UTP25: variants seen among roughly 807,000 people sequenced by gnomAD.
UTP25 encodes the protein UTP25 small subunit processome component, also known as U3 small nucleolar RNA-associated protein 25 homolog.
UTP25 carries 50 observed loss-of-function variants against 78.9 expected under a neutral mutation model. The ratio of observed to expected loss-of-function variants is 0.63; its 90% CI spans 0.50 to 0.80. The LOEUF is 0.80. UTP25 is among the 30% of genes least tolerant of loss of function. The pLI, the probability that UTP25 is intolerant of heterozygous loss-of-function variation, is 0.00. For missense variants in UTP25, 846 were observed against 911.3 expected, an observed-to-expected ratio of 0.93 and a Z score of 0.92; for synonymous variants, 329 against 336.5, an observed-to-expected ratio of 0.98 and a Z score of 0.24.
chr1:209,836,072 A>G (rs1221218728), intron 5 of UTP25, among the ~76,000 whole-genome samples: 1 of 152,152 alleles, frequency 6.6e-6, no homozygotes. Context: ...ACCCCTGGTA[A>G]CCACTAATCT....
At chr1:209,845,546 AG>A (rs2078192359) in intron 11 of UTP25, among the ~76,000 whole-genome samples, 1 of 152,216 alleles carries the variant, frequency 6.6e-6, no homozygotes, top group Non-Finnish European at 1.5e-5. Flanking sequence ...CTTTGTAAGC[AG>A]GACAGTCTCC....
rs2078172292 is a variant in UTP25, at chr1:209,842,405, C to G, written c.1626C>G (p.Ile542Met). ...LLFGALQDAQ[I>M]NSVFNKYCVN... ...TTGGGGCCCTTCAGGATGCCCAGAT[C>G]AACTCAGTGTTCAACAAGTACTGTG... is the stretch of plus-strand genomic sequence containing the variant. Residue 542 changes from isoleucine to methionine, a missense_variant, in exon 9 of 12, where the codon ATC becomes ATG. Transcript: ENST00000491415. 6.2e-7 allele frequency: 1 copy of G among 1,614,046 alleles called. No individual in the cohort carries two copies. Among genetic ancestry groups the G allele is most frequent in the Non-Finnish European group, 8.5e-7 (1 of 1,180,008 alleles).
At chr1:209,841,978 A>G (rs927274775) in intron 8 of UTP25, among the ~76,000 whole-genome samples, 2 of 152,178 alleles carry the variant, frequency 1.3e-5, no homozygotes, top group Non-Finnish European at 2.9e-5. Context: ...TTAGGGACCC[A>G]TAGAGAGACC....
In UTP25 at chr1:209,852,643, C is replaced by T. The variant is rs1465515204; in HGVS notation, c.*1196C>T. On this transcript the variant is annotated 3_prime_UTR_variant, in exon 12 of 12. Transcript: ENST00000491415. The stretch of plus-strand genomic sequence containing the variant: ...ACTTGGGCACTGCTGTATTTTTTGA[C>T]AATGAGACATTCCAGGTTTCTCTAC... 6.6e-6 allele frequency: 1 copy of T among 152,150 alleles called. No homozygotes were observed. Among genetic ancestry groups the T allele is most frequent in the Non-Finnish European group, 1.5e-5 (1 of 68,026 alleles). The allele number at this position is 152,150 out of a possible 1,614,324, so 9.4% of individuals were successfully genotyped here.
At chr1:209,848,813 T>C (rs1342421593) in intron 11 of UTP25, among the ~76,000 whole-genome samples, 1 of 152,244 alleles carries the variant, frequency 6.6e-6, no homozygotes, top group Non-Finnish European at 1.5e-5. Context: ...TCTATAACTT[T>C]CAATGGAATG....
At chr1:209,835,027 C>A in intron 4 of UTP25, 48 bp from the exon 5 acceptor site, 1 of 1,472,364 alleles carries the variant, frequency 6.8e-7, no homozygotes, top group Non-Finnish European at 9.5e-7. Flanking sequence ...GACCACAAAA[C>A]CCCTCTGTAG....
At chr1:209,843,916 C>G in intron 11 of UTP25, 1 of 588,412 alleles carries the variant, frequency 1.7e-6, no homozygotes, top group Non-Finnish European at 3.0e-6. Context: ...ATGTAGAAAC[C>G]AAAGCATACC....
rs568722420 is a variant in UTP25, at chr1:209,856,985, C to T, written c.*5538C>T. 2.0e-5 allele frequency: 3 copies of T among 152,192 alleles called. No individual in the cohort carries two copies. The highest frequency in any genetic ancestry group is 4.4e-5 in the Non-Finnish European group (3 of 68,042). The allele number at this position is 152,192 out of a possible 1,614,324, so 9.4% of individuals were successfully genotyped here. A position where few individuals can be genotyped will look rare whatever the true frequency, so the allele number is the denominator to read the frequency against. ...GTTTCTCATCTCTTCTAGTGTATGT[C>T]AAAGCTAAATTAGGTCAAATAGGAA... On this transcript the variant is annotated 3_prime_UTR_variant, in exon 12 of 12. Coordinates refer to ENST00000491415, the MANE Select transcript of UTP25 (RefSeq NM_014388.7).
Position 209,842,400 on chromosome 1 carries a change from C to G in UTP25, c.1621C>G (p.Gln541Glu), listed in dbSNP as rs754004496. Residue 541 changes from glutamine (Q) to glutamate (E), a missense_variant, in exon 9 of 12, where the codon CAG becomes GAG. Transcript: ENST00000491415. ...GCTATTTGGGGCCCTTCAGGATGCC[C>G]AGATCAACTCAGTGTTCAACAAGTA... ...TLLFGALQDA[Q>E]INSVFNKYCV... 3 of 1,614,134 alleles carry G rather than the reference C, an allele frequency of 1.9e-6. No individual in the cohort carries two copies. Among genetic ancestry groups the G allele is most frequent in the Non-Finnish European group, 2.5e-6 (3 of 1,179,992 alleles).
rs1327876486 is a variant in UTP25 at position 209,855,112 on chromosome 1, AAG to A, written c.*3668_*3669del. 2.0e-5 allele frequency: 3 copies of A among 152,318 alleles called. No individual in the cohort carries two copies. The highest frequency in any genetic ancestry group is 2.1e-4 in the South Asian group (1 of 4,832). 9.4% of individuals were successfully genotyped at this position (152,318 alleles called of 1,614,324 possible). On this transcript the variant is annotated 3_prime_UTR_variant, in exon 12 of 12. Coordinates refer to ENST00000491415, the MANE Select transcript of UTP25 (RefSeq NM_014388.7). ...AATTGATGTAAGCATTGGAAGGGGAAAGAGGGAACGCTTCTTTCCCTCTGGGC... is the reference window on the plus strand; with the variant it reads ...AATTGATGTAAGCATTGGAAGGGGAAAGGGAACGCTTCTTTCCCTCTGGGC...
At chr1:209,841,105 A>G (rs928635099) in intron 8 of UTP25, 50 bp downstream of exon 8, 23 of 1,592,058 alleles carry the variant, frequency 1.4e-5, no homozygotes, top group Non-Finnish European at 2.0e-5. Context: ...ATTTAGAGGG[A>G]TAAGACACCC....
rs1204133313 is a variant in UTP25, at chr1:209,839,119, T to C, written c.1273T>C (p.Phe425Leu). Residue 425 changes from phenylalanine to leucine, a missense_variant, in exon 7 of 12, where the codon TTC becomes CTC. Physicochemically the swap from Phe to Leu is conservative, Grantham distance 22 (BLOSUM62 0). Transcript: ENST00000491415. ...ATTTGTGGGCAATATTGATGACCACTTCAGGATTGGTAATTCTTCCTTATC... is the reference window on the plus strand; with the variant it reads ...ATTTGTGGGCAATATTGATGACCACCTCAGGATTGGTAATTCTTCCTTATC... The part of the protein sequence containing the change: ...AVFVGNIDDH[F>L]RIGVAILQRS... The C allele has an allele frequency of 6.2e-7, 1 of 1,604,908 alleles. No individual in the cohort carries two copies. The highest frequency in any genetic ancestry group is 8.5e-7 in the Non-Finnish European group (1 of 1,173,138).
rs201045105 is a variant in UTP25, at chr1:209,837,091, G to A, written c.942G>A (p.Val314=). ...TCCGCCATGTGTATTGCCTGCATGTGATAAATCACATCCTCAAAGCCAATG... is the reference window on the plus strand; with the variant it reads ...TCCGCCATGTGTATTGCCTGCATGTAATAAATCACATCCTCAAAGCCAATG... ...EEIRHVYCLH[V]INHILKANAQ... Residue 314 remains valine (V), a synonymous_variant, in exon 6 of 12, where the codon GTG becomes GTA. Coordinates refer to ENST00000491415, the MANE Select transcript of UTP25 (RefSeq NM_014388.7). 69 of 1,614,038 alleles carry A rather than the reference G, an allele frequency of 4.3e-5. No individual in the cohort carries two copies. The highest frequency in any genetic ancestry group is 8.5e-6 in the Non-Finnish European group (10 of 1,180,022).
At chr1:209,830,423 A>C (rs1428894386) in intron 2 of UTP25, among the ~76,000 whole-genome samples, 1 of 151,984 alleles carries the variant, frequency 6.6e-6, no homozygotes, top group African/African-American at 2.4e-5. Flanking sequence ...CTAAGAGGGA[A>C]TATCTTTTTT....
intron 2 of UTP25, 123 bp downstream of exon 2, chr1:209,830,270 G>T: frequency 1.1e-6 from 1 of 879,498 alleles, no homozygotes; most frequent in Non-Finnish European, 1.7e-6. Flanking sequence ...TATTATTTTG[G>T]CAGTATCACT....
Position 209,837,163 on chromosome 1 carries a change from A to G in UTP25, c.1014A>G (p.Gly338=). The G allele has an allele frequency of 1.2e-6, 2 of 1,614,082 alleles. No homozygotes were observed. Among genetic ancestry groups the G allele is most frequent in the Non-Finnish European group, 1.7e-6 (2 of 1,180,014 alleles). The change falls in exon 6 of 12, where the codon GGA becomes GGG. Residue 338 remains glycine, a synonymous_variant. Coordinates refer to ENST00000491415, the MANE Select transcript of UTP25 (RefSeq NM_014388.7). ...GCAGACGCCGAAGCCAGAAGTTTGG[A>G]GTGGGTGATGATGATGACTTCAGAG... ...NNSRRRSQKF[G]VGDDDDFRDQ... is the part of the protein sequence containing the mutation.
At position 209,840,838 on chromosome 1, in the gene UTP25, G is replaced by A; in HGVS notation, c.1283-15G>A. 6.2e-7 allele frequency: 1 copy of A among 1,611,802 alleles called. No individual in the cohort carries two copies. On this transcript the variant is annotated splice_polypyrimidine_tract_variant and intron_variant, in intron 7 of 11. Coordinates refer to ENST00000491415, the MANE Select transcript of UTP25 (RefSeq NM_014388.7). ...GTGACTAATGAATTGGTGTGTACTT[G>A]GCTGTTTTGTGTAGGAGTGGCAATA...
chr1:209,842,468 C>A (rs770683808), intron 9 of UTP25, 21 bp downstream of exon 9: 1 of 1,613,996 alleles, frequency 6.2e-7, no homozygotes, highest in Non-Finnish European at 8.5e-7. Context: ...GTCTTGTTTC[C>A]TCAGTATCTT....
Position 209,840,875 on chromosome 1 carries a change from C to T in UTP25, c.1305C>T (p.Ser435=), listed in dbSNP as rs769598675. The T allele has an allele frequency of 2.7e-4, 439 of 1,612,508 alleles. No individual in the cohort carries two copies. The highest frequency in any genetic ancestry group is 3.6e-4 in the Non-Finnish European group (428 of 1,179,860). Residue 435 remains serine (S), a synonymous_variant, in exon 8 of 12, where the codon AGC becomes AGT. Coordinates refer to ENST00000491415, the MANE Select transcript of UTP25 (RefSeq NM_014388.7). ...FRIGVAILQR[S]IRLYAPFYSS... is the part of the protein sequence containing the mutation. ...TAGGAGTGGCAATACTTCAGAGAAG[C>T]ATCCGACTCTATGCCCCGTTTTACT...
Sources: allele counts gnomAD v4.1 joint callset (sites outside exome capture counted in the v4.1 genomes callset), GRCh38; gene constraint gnomAD v4.1.1; transcripts MANE v1.5; gene names NCBI Gene and HGNC (gene_info 2026-07-23, HGNC 2026-07-21).